Variants in KCNIP3 observed in about 807,000 individuals in gnomAD.
The protein encoded by KCNIP3 is calsenilin.
KCNIP3 carries 28 observed loss-of-function variants against 35.0 expected under a neutral mutation model. That is an observed-to-expected ratio of 0.80 (90% confidence interval 0.59 to 1.10). The LOEUF (loss-of-function observed/expected upper bound fraction) is 1.10, where lower values mean the gene tolerates loss of function less well. KCNIP3 is among the 50% of genes least tolerant of loss of function. The probability of loss-of-function intolerance (pLI) is 0.00; values close to 1 mark genes in which losing one functional copy is unlikely to be tolerated. For synonymous variants in KCNIP3, 134 were observed against 133.8 expected (o/e 1.00, Z -0.01); for missense variants, 295 against 338.4 (o/e 0.87, Z 1.01).
At chr2:95,304,235 A>G (rs1678117100) in intron 1 of KCNIP3, among the ~76,000 whole-genome samples, 1 of 152,216 alleles carries the variant, frequency 6.6e-6, no homozygotes, top group Admixed American at 6.5e-5. Context: ...TTTTTCTTTA[A>G]ATTAACTCAT....
At chr2:95,304,722 C>T (rs1226643166) in intron 1 of KCNIP3, among the ~76,000 whole-genome samples, 2 of 152,120 alleles carry the variant, frequency 1.3e-5, no homozygotes, top group African/African-American at 4.8e-5. Context: ...GTTGGTGTGA[C>T]CATTAAATAT....
In KCNIP3 at chr2:95,384,793, G is replaced by A. The variant is rs1680451030; in HGVS notation, c.*744G>A. The A allele has an allele frequency of 1.3e-5, 2 of 152,612 alleles. No homozygotes were observed. Among genetic ancestry groups the A allele is most frequent in the Non-Finnish European group, 2.9e-5 (2 of 68,364 alleles). The allele number at this position is 152,612 out of a possible 1,614,324, so 9.5% of individuals were successfully genotyped here. ...TTTCAAGTTTAGGGATTGGGTCGTG[G>A]TGGAGAATCTGAGGGCACTCTCTGC... On this transcript the variant is annotated 3_prime_UTR_variant, in exon 9 of 9. Coordinates refer to ENST00000295225, the MANE Select transcript of KCNIP3 (RefSeq NM_013434.5).
At chr2:95,326,098 C>T (rs1268027557) in intron 2 of KCNIP3, among the ~76,000 whole-genome samples, 1 of 61,296 alleles carries the variant, frequency 1.6e-5, no homozygotes, top group East Asian at 2.8e-4. Context: ...TACACATACA[C>T]ACATATACAC....
chr2:95,297,656 G>A (rs1037727895), intron 1 of KCNIP3, among the ~76,000 whole-genome samples: 2 of 151,832 alleles, frequency 1.3e-5, no homozygotes, highest in Admixed American at 6.6e-5. Context: ...CCTGGCTGGC[G>A]TTGGGGTGTC....
chr2:95,363,830 T>C (rs1029582070), intron 2 of KCNIP3, among the ~76,000 whole-genome samples: 4 of 152,234 alleles, frequency 2.6e-5, no homozygotes, highest in African/African-American at 9.6e-5. Context: ...TTTTTAATTA[T>C]ATTTTCTAGA....
chr2:95,367,757 CA>C (rs1300255773), intron 2 of KCNIP3, among the ~76,000 whole-genome samples: 30 of 147,312 alleles, frequency 2.0e-4, no homozygotes, highest in Non-Finnish European at 2.5e-4. Flanking sequence ...AGTGACTTAA[CA>C]TTTTTTTTTT....
rs147124888 is a variant in KCNIP3, at chr2:95,377,462, C to A, written c.447+2254C>A. ...GCTGAGCACCTGCTCCGGGCTCTGC[C>A]GGGAGACCCTCCTGTGCACTCTTGT... On this transcript the variant is annotated intron_variant, in intron 5 of 8. Transcript: ENST00000295225. The surrounding 1 kb of genome is among the most constrained non-coding windows in gnomAD (Gnocchi z 4.7). Among the ~76,000 whole-genome samples, 1 of 152,242 alleles carries A rather than the reference C, an allele frequency of 6.6e-6. No homozygotes were observed. The highest frequency in any genetic ancestry group is 2.4e-5 in the African/African-American group (1 of 41,456).
At chr2:95,312,869 C>T (rs1678357929) in intron 2 of KCNIP3, 1 of 152,230 alleles carries the variant, frequency 6.6e-6, no homozygotes, top group African/African-American at 2.4e-5. Context: ...CCTTTGTCTC[C>T]CTTGGCCATA....
Position 95,382,493 on chromosome 2 carries a change from C to A in KCNIP3, c.660+12C>A, listed in dbSNP as rs1167055313. 6.3e-7 allele frequency: 1 copy of A among 1,581,310 alleles called. No homozygotes were observed. Among genetic ancestry groups the A allele is most frequent in the Admixed American group, 1.8e-5 (1 of 56,332 alleles). ...AGAGGTTCTTCGAGGTGAGCGAGCG[C>A]CAGCCCTGCCTAGGGAGGGGAGCCT... On this transcript the variant is annotated intron_variant, in intron 7 of 8. Coordinates refer to ENST00000295225, the MANE Select transcript of KCNIP3 (RefSeq NM_013434.5). This position sits in a 1 kb window ranked among gnomAD's most constrained non-coding sequence, Gnocchi z 4.5.
intron 1 of KCNIP3, among the ~76,000 whole-genome samples, chr2:95,300,123 C>T (rs1006065325): frequency 6.6e-6 from 1 of 152,192 alleles, no homozygotes; most frequent in African/African-American, 2.4e-5. Context: ...TGCCTTTAAC[C>T]AGATGGCAGA....
rs1301793559 is a variant in KCNIP3 at position 95,325,812 on chromosome 2, TACAC to T, written c.181+15296_181+15299del. On this transcript the variant is annotated intron_variant, in intron 2 of 8. Coordinates refer to ENST00000295225, the MANE Select transcript of KCNIP3 (RefSeq NM_013434.5). ...ACACACTCATACACACATACACTCA[TACAC>T]ACATACACATACACTCATACACACT... Among the ~76,000 whole-genome samples the T allele has an allele frequency of 2.8e-5, 4 of 140,382 alleles. No individual in the cohort carries two copies. The East Asian group carries it at 6.6e-4, about 23-fold the overall frequency. 92.1% of individuals were successfully genotyped at this position (140,382 alleles called of 152,430 possible).
intron 2 of KCNIP3, among the ~76,000 whole-genome samples, chr2:95,344,535 G>A (rs569762543): frequency 6.6e-6 from 1 of 152,328 alleles, no homozygotes; most frequent in African/African-American, 2.4e-5. Flanking sequence ...CTTGTTTATA[G>A]CTCAGGGTTT....
intron 2 of KCNIP3, among the ~76,000 whole-genome samples, chr2:95,321,323 C>A (rs538591513): frequency 6.6e-6 from 1 of 152,248 alleles, no homozygotes; most frequent in African/African-American, 2.4e-5. Flanking sequence ...ACATTTAATA[C>A]CAGATATAAG....
At chr2:95,316,136 T>A (rs979984726) in intron 2 of KCNIP3, among the ~76,000 whole-genome samples, 2 of 152,218 alleles carry the variant, frequency 1.3e-5, no homozygotes, top group Non-Finnish European at 2.9e-5. Context: ...AGATTTCCCC[T>A]CTGGGGGCCT....
At chr2:95,304,965 G>A (rs1331589808) in intron 1 of KCNIP3, among the ~76,000 whole-genome samples, 1 of 152,164 alleles carries the variant, frequency 6.6e-6, no homozygotes, top group East Asian at 1.9e-4. Context: ...GGAAACTTGT[G>A]ACCTTTGAGA....
rs967951940 is a variant in KCNIP3, at chr2:95,384,475, C to T, written c.*426C>T. The stretch of plus-strand genomic sequence containing the variant: ...TCTGCTTTCTTGCCACACAGTGGGC[C>T]GGCCCCAGGCTCCCCTGGTCTCCTC... On this transcript the variant is annotated 3_prime_UTR_variant, in exon 9 of 9. Transcript: ENST00000295225. 1.0e-5 allele frequency: 2 copies of T among 199,380 alleles called. No homozygotes were observed. The highest frequency in any genetic ancestry group is 1.0e-4 in the South Asian group (1 of 9,782). The allele number at this position is 199,380 out of a possible 1,614,324, so 12.4% of individuals were successfully genotyped here. A position where few individuals can be genotyped will look rare whatever the true frequency, so the allele number is the denominator to read the frequency against.
At chr2:95,348,300 G>C (rs574867250) in intron 2 of KCNIP3, among the ~76,000 whole-genome samples, 3 of 152,258 alleles carry the variant, frequency 2.0e-5, no homozygotes, top group African/African-American at 7.2e-5. Flanking sequence ...TCTGTGACAG[G>C]GAACTTCGTG....
intron 2 of KCNIP3, among the ~76,000 whole-genome samples, chr2:95,356,537 G>A (rs979157590): frequency 6.6e-6 from 1 of 152,124 alleles, no homozygotes; most frequent in Non-Finnish European, 1.5e-5. Flanking sequence ...AAGGTGTCAG[G>A]AGGGGATCCA....
intron 1 of KCNIP3, among the ~76,000 whole-genome samples, chr2:95,299,745 T>C (rs1405142077): frequency 6.6e-6 from 1 of 152,260 alleles, no homozygotes; most frequent in Non-Finnish European, 1.5e-5. Flanking sequence ...TGCAGGGCAC[T>C]GTGCGAGATG....
Sources: gnomAD v4.1 joint callset for allele counts (sites outside exome capture counted in the v4.1 genomes callset) on GRCh38, gnomAD v4.1.1 for gene constraint, Gnocchi (gnomAD v3.1) non-coding constraint, MANE v1.5 for transcripts, NCBI Gene and HGNC (gene_info 2026-07-23, HGNC 2026-07-21) for gene names.